The following CMTM8 variants were observed in gnomAD, a reference collection of about 807,000 sequenced individuals.
CMTM8 encodes the protein CKLF like MARVEL transmembrane domain containing 8.
In CMTM8, 12 loss-of-function variants were observed where a neutral mutation model predicts 18.6. That is an observed-to-expected ratio of 0.65 (90% CI 0.41 to 1.05). The LOEUF (loss-of-function observed/expected upper bound fraction) is 1.05. CMTM8 is among the 50% of genes least tolerant of loss of function. CMTM8 has a pLI of 0.00. For synonymous variants in CMTM8, 87 were observed against 90.6 expected (o/e 0.96, Z 0.23); for missense variants, 217 against 227.2 (o/e 0.95, Z 0.29).
chr3:32,269,289 G>C (rs1015461746), intron 1 of CMTM8, among the ~76,000 whole-genome samples: 1 of 152,216 alleles, frequency 6.6e-6, no homozygotes, highest in Non-Finnish European at 1.5e-5. Context: ...TCCTCAGGGA[G>C]AGAGATGTTT....
intron 1 of CMTM8, among the ~76,000 whole-genome samples, chr3:32,251,959 A>C (rs1355372077): frequency 2.0e-5 from 3 of 151,854 alleles, no homozygotes; most frequent in African/African-American, 7.3e-5. Flanking sequence ...TCATGATGGC[A>C]TGTGCCTGTA....
In CMTM8 at chr3:32,347,355, C is replaced by T. The variant is rs1232719705; in HGVS notation, c.148-10018C>T. On this transcript the variant is annotated intron_variant, in intron 1 of 3. Transcript: ENST00000307526. ...AGACACTCTGTTTCTAGAAACAACT[C>T]GCCTGCAGCTGGCTGGCTGGACCAG... Among the ~76,000 whole-genome samples, 8 of 143,790 alleles carry T rather than the reference C, an allele frequency of 5.6e-5. 1 individual carries two copies. Among genetic ancestry groups the T allele is most frequent in the Admixed American group, 4.2e-4 (6 of 14,244 alleles). 94.3% of individuals were successfully genotyped at this position (143,790 alleles called of 152,430 possible).
At chr3:32,321,833 A>C (rs984859334) in intron 1 of CMTM8, among the ~76,000 whole-genome samples, 11 of 152,292 alleles carry the variant, frequency 7.2e-5, no homozygotes, top group African/African-American at 1.2e-4. Context: ...TCCTGGGTTC[A>C]AGTAATCCAC....
chr3:32,344,049 T>C (rs1486282301), intron 1 of CMTM8, among the ~76,000 whole-genome samples: 2 of 152,192 alleles, frequency 1.3e-5, no homozygotes, highest in Non-Finnish European at 2.9e-5. Context: ...ATGTGCCATA[T>C]TAAATGTACA....
chr3:32,341,150 C>T (rs1032279732), intron 1 of CMTM8, among the ~76,000 whole-genome samples: 2 of 152,220 alleles, frequency 1.3e-5, no homozygotes, highest in East Asian at 1.9e-4. Context: ...TCGTGATCAG[C>T]CCTGTTCAGC....
At chr3:32,290,539 T>C (rs567404641) in intron 1 of CMTM8, among the ~76,000 whole-genome samples, 1 of 152,228 alleles carries the variant, frequency 6.6e-6, no homozygotes, top group African/African-American at 2.4e-5. Flanking sequence ...CAAGGCCAGC[T>C]TTGGAGGACT....
In CMTM8 at chr3:32,238,893, C is replaced by T; in HGVS notation, c.-80C>T. On this transcript the variant is annotated 5_prime_UTR_variant, in exon 1 of 4. Transcript: ENST00000307526. ...GCGCTCCCCTCCCCCGCGCCTGTGT[C>T]CCCAGGGCGCAGGGCCGCGCGTCCA... 7 of 1,350,920 alleles carry T rather than the reference C, an allele frequency of 5.2e-6. No individual in the cohort carries two copies. Among genetic ancestry groups the T allele is most frequent in the Non-Finnish European group, 6.8e-6 (7 of 1,033,514 alleles). The allele number at this position is 1,350,920 out of a possible 1,614,324, so 83.7% of individuals were successfully genotyped here.
intron 1 of CMTM8, among the ~76,000 whole-genome samples, chr3:32,336,337 C>T (rs1392174853): frequency 6.6e-6 from 1 of 152,190 alleles, no homozygotes; most frequent in African/African-American, 2.4e-5. Flanking sequence ...GGAGTCGGCA[C>T]AAATCAAGGC....
intron 2 of CMTM8, among the ~76,000 whole-genome samples, chr3:32,361,283 A>T (rs535148571): frequency 0.046 from 338 of 7,328 alleles, 3 homozygotes; most frequent in African/African-American, 0.064. Flanking sequence ...GCCCAGCCTA[A>T]GAGTTTTTTT....
chr3:32,355,504 A>G (rs746685136), intron 1 of CMTM8, among the ~76,000 whole-genome samples: 1 of 152,168 alleles, frequency 6.6e-6, no homozygotes, highest in Non-Finnish European at 1.5e-5. Context: ...CACTGCCACC[A>G]TATTGGTCTT....
In CMTM8 at chr3:32,357,355, G is replaced by A. The variant is rs200369008; in HGVS notation, c.148-18G>A. The A allele has an allele frequency of 1.1e-4, 176 of 1,607,260 alleles. No homozygotes were observed. Among genetic ancestry groups the A allele is most frequent in the Admixed American group, 6.7e-5 (4 of 59,800 alleles). ...TCTACTGTCCCCTCCTCTCTCCACT[G>A]CTTCTACCACTTTACAGGTTCTGGG... On this transcript the variant is annotated intron_variant, in intron 1 of 3. Transcript: ENST00000307526.
intron 1 of CMTM8, among the ~76,000 whole-genome samples, chr3:32,278,915 C>T (rs2125548357): frequency 6.6e-6 from 1 of 152,208 alleles, no homozygotes; most frequent in Admixed American, 6.5e-5. Flanking sequence ...ATGATGGAAA[C>T]GTGGCTAAAT....
chr3:32,269,331 C>G (rs966231609), intron 1 of CMTM8, among the ~76,000 whole-genome samples: 1 of 152,154 alleles, frequency 6.6e-6, no homozygotes, highest in Non-Finnish European at 1.5e-5. Context: ...ATTTAATATT[C>G]TACTAGCTTA....
chr3:32,260,591 A>G (rs910826266), intron 1 of CMTM8, among the ~76,000 whole-genome samples: 1 of 151,124 alleles, frequency 6.6e-6, no homozygotes, highest in Non-Finnish European at 1.5e-5. Flanking sequence ...CTTTGTTTCA[A>G]TGTTTTAATA....
chr3:32,310,933 A>T (rs1695808019), intron 1 of CMTM8, among the ~76,000 whole-genome samples: 1 of 152,240 alleles, frequency 6.6e-6, no homozygotes, highest in African/African-American at 2.4e-5. Context: ...AATGATGGTT[A>T]TGATAAAGAC....
At chr3:32,302,783 C>T (rs990547418) in intron 1 of CMTM8, among the ~76,000 whole-genome samples, 8 of 152,142 alleles carry the variant, frequency 5.3e-5, no homozygotes, top group South Asian at 2.1e-4. Context: ...CGCACACACA[C>T]GAAGTGTATG....
intron 1 of CMTM8, among the ~76,000 whole-genome samples, chr3:32,256,256 A>C (rs1376898283): frequency 1.3e-5 from 2 of 151,582 alleles, no homozygotes; most frequent in Non-Finnish European, 1.5e-5. Context: ...TTTTGTAGAG[A>C]TAGGAGTCTC....
At chr3:32,290,258 C>A (rs1318589868) in intron 1 of CMTM8, among the ~76,000 whole-genome samples, 2 of 152,166 alleles carry the variant, frequency 1.3e-5, no homozygotes, top group African/African-American at 4.8e-5. Flanking sequence ...CACTTCTGTA[C>A]ACAAACAATA....
At chr3:32,349,623 C>T (rs1696665597) in intron 1 of CMTM8, among the ~76,000 whole-genome samples, 1 of 152,116 alleles carries the variant, frequency 6.6e-6, no homozygotes, top group Admixed American at 6.5e-5. Context: ...AGGTGGAGCA[C>T]AGCTGCTGGC....
Sources: allele counts gnomAD v4.1 joint callset (sites outside exome capture counted in the v4.1 genomes callset), GRCh38; gene constraint gnomAD v4.1.1; transcripts MANE v1.5; gene names NCBI Gene and HGNC (gene_info 2026-07-23, HGNC 2026-07-21).